NAGLU: variants seen among roughly 807,000 people sequenced by gnomAD.
The protein encoded by NAGLU is N-acetyl-alpha-glucosaminidase.
In NAGLU, 34 loss-of-function variants were observed where a neutral mutation model predicts 43.4. That is an observed-to-expected ratio of 0.78 (90% CI 0.60 to 1.04). The LOEUF (loss-of-function observed/expected upper bound fraction) is 1.04, where lower values mean the gene tolerates loss of function less well. Among genes scored for constraint, NAGLU ranks in the 50% least tolerant of loss-of-function variants. The pLI, the probability that NAGLU is intolerant of heterozygous loss-of-function variation, is 0.00. For synonymous variants in NAGLU, 425 were observed against 437.6 expected, an observed-to-expected ratio of 0.97 and a Z score of 0.36; for missense variants, 910 against 993.7, an observed-to-expected ratio of 0.92 and a Z score of 1.13.
At chr17:42,540,140 A>G (rs933642808) in intron 4 of NAGLU, among the ~76,000 whole-genome samples, 17 of 151,510 alleles carry the variant, frequency 1.1e-4, no homozygotes, top group African/African-American at 3.6e-4. Flanking sequence ...AAAGGAAAGA[A>G]AATTAAACAC....
intron 4 of NAGLU, among the ~76,000 whole-genome samples, chr17:42,539,837 G>A (rs905129043): frequency 2.0e-5 from 3 of 152,182 alleles, no homozygotes; most frequent in African/African-American, 4.8e-5. Context: ...TTGCTTGGAC[G>A]GACGCTTGGC....
In NAGLU at chr17:42,538,560, G is replaced by A. The variant is rs1471090568; in HGVS notation, c.678+75G>A. The A allele has an allele frequency of 1.7e-5, 28 of 1,612,580 alleles. 1 individual carries two copies. Among genetic ancestry groups the A allele is most frequent in the Admixed American group, 3.3e-5 (2 of 59,992 alleles). ...GGCCCAGGAAGGGTGGTATTAGGCC[G>A]GCCCCAGGGCTCTTAACTGAGGCGG... On this transcript the variant is annotated intron_variant, in intron 3 of 5. Transcript: ENST00000225927.
At position 42,543,629 on chromosome 17, in the gene NAGLU, G is replaced by C. The variant is rs146438251; in HGVS notation, c.1623G>C (p.Arg541=). The C allele has an allele frequency of 6.5e-5, 105 of 1,613,000 alleles. No homozygotes were observed. The highest frequency in any genetic ancestry group is 1.2e-4 in the African/African-American group (9 of 74,950). ...YNRSDVFEAW[R]LLLTSAPSLA... is the part of the protein sequence containing the mutation. Reference sequence around the variant, plus strand: ...GATCTGATGTGTTTGAGGCCTGGCGGCTGCTGCTCACATCTGCTCCCTCCC... The same window carrying C: ...GATCTGATGTGTTTGAGGCCTGGCGCCTGCTGCTCACATCTGCTCCCTCCC... The change falls in exon 6 of 6, where the codon CGG becomes CGC. Residue 541 remains arginine, a synonymous_variant. Coordinates refer to ENST00000225927, the MANE Select transcript of NAGLU (RefSeq NM_000263.4).
Position 42,543,860 on chromosome 17 carries a change from G to T in NAGLU, c.1854G>T (p.Leu618=). Residue 618 remains leucine (L), a synonymous_variant, in exon 6 of 6, where the codon CTG becomes CTT. Coordinates refer to ENST00000225927, the MANE Select transcript of NAGLU (RefSeq NM_000263.4). ...EVLASDSRFL[L]GSWLEQARAA... ...TGGCTAGTGACAGCCGCTTCTTGCT[G>T]GGCAGCTGGCTAGAGCAGGCCCGAG... 6.2e-7 allele frequency: 1 copy of T among 1,602,280 alleles called. No homozygotes were observed. The highest frequency in any genetic ancestry group is 2.3e-5 in the East Asian group (1 of 44,274).
rs1567894363 is a variant in NAGLU, at chr17:42,544,050, C to T, written c.2044C>T (p.Leu682=). Residue 682 remains leucine, a synonymous_variant, in exon 6 of 6, where the codon CTG becomes TTG. Coordinates refer to ENST00000225927, the MANE Select transcript of NAGLU (RefSeq NM_000263.4). ...TPRWRLFLEA[L]VDSVAQGIPF... ...TCGCTGGCGGCTTTTCCTGGAGGCG[C>T]TGGTTGACAGTGTGGCCCAGGGCAT... is the stretch of plus-strand genomic sequence containing the variant. 1 of 1,613,484 alleles carries T rather than the reference C, an allele frequency of 6.2e-7. No homozygotes were observed. The highest frequency in any genetic ancestry group is 1.1e-5 in the South Asian group (1 of 90,900).
In NAGLU at chr17:42,543,205, AG is replaced by A. The variant is rs1485628563; in HGVS notation, c.1200del (p.Gln400HisfsTer21). The A allele has an allele frequency of 1.2e-6, 2 of 1,614,236 alleles. No individual in the cohort carries two copies. Among genetic ancestry groups the A allele is most frequent in the Non-Finnish European group, 1.7e-6 (2 of 1,180,038 alleles). ...VYTRTASFQG[Q>X]PFIWCMLHNF... ...ACCCGCACTGCCTCCTTCCAGGGCCAGCCCTTCATCTGGTGCATGCTGCACA... is the reference window on the plus strand; with the variant it reads ...ACCCGCACTGCCTCCTTCCAGGGCCACCCTTCATCTGGTGCATGCTGCACA... On this transcript the variant is annotated frameshift_variant, in exon 6 of 6. Transcript: ENST00000225927. LOFTEE classifies it high-confidence loss of function.
In NAGLU at chr17:42,544,446, T is replaced by A; in HGVS notation, c.*208T>A. 1 of 718,352 alleles carries A rather than the reference T, an allele frequency of 1.4e-6. No individual in the cohort carries two copies. The highest frequency in any genetic ancestry group is 2.3e-6 in the Non-Finnish European group (1 of 439,398). 44.5% of individuals were successfully genotyped at this position (718,352 alleles called of 1,614,324 possible). A position where few individuals can be genotyped will look rare whatever the true frequency, so the allele number is the denominator to read the frequency against. ...ATTAAAGTACTGTTTTCTTTCCACT[T>A]AAACTGATGAGTCCCCTGGGTCTGT... is the stretch of plus-strand genomic sequence containing the variant. On this transcript the variant is annotated 3_prime_UTR_variant, in exon 6 of 6. Coordinates refer to ENST00000225927, the MANE Select transcript of NAGLU (RefSeq NM_000263.4).
At chr17:42,542,303 A>AT (rs2092923476) in intron 5 of NAGLU, among the ~76,000 whole-genome samples, 1 of 152,126 alleles carries the variant, frequency 6.6e-6, no homozygotes, top group South Asian at 2.1e-4. Flanking sequence ...ACCTCAAATG[A>AT]TTCGCCCACT....
At chr17:42,537,094 G>T in intron 1 of NAGLU, 1 of 470,244 alleles carries the variant, frequency 2.1e-6, no homozygotes, top group Non-Finnish European at 3.9e-6. Context: ...TGTGGGGGCA[G>T]GGATTCCCCG....
Position 42,536,509 on chromosome 17 carries a change from C to T in NAGLU, c.237C>T (p.Gly79=). 7.9e-7 allele frequency: 1 copy of T among 1,265,132 alleles called. No individual in the cohort carries two copies. Among genetic ancestry groups the T allele is most frequent in the Non-Finnish European group, 9.9e-7 (1 of 1,008,362 alleles). The allele number at this position is 1,265,132 out of a possible 1,614,324, so 78.4% of individuals were successfully genotyped here. A position where few individuals can be genotyped will look rare whatever the true frequency, so the allele number is the denominator to read the frequency against. Residue 79 remains glycine (G), a synonymous_variant, in exon 1 of 6, where the codon GGC becomes GGT. Transcript: ENST00000225927. ...GGGAARVRVR[G]STGVAAAAGL... ...GCGCGGCGCGCGTGCGGGTGCGCGG[C>T]TCCACGGGCGTGGCGGCCGCCGCGG...
At position 42,537,430 on chromosome 17, in the gene NAGLU, G is replaced by C; in HGVS notation, c.416G>C (p.Ser139Thr). The change falls in exon 2 of 6, where the codon AGC (serine) becomes ACC (threonine). Residue 139 changes from serine (S) to threonine (T), a missense_variant. Transcript: ENST00000225927. ...YRYYQNVCTQ[S>T]YSFVWWDWAR... is the part of the protein sequence containing the mutation. ...TATTACCAGAATGTGTGCACGCAAA[G>C]CTACTCTTTCGTGTGGTGGGACTGG... 1 of 1,614,242 alleles carries C rather than the reference G, an allele frequency of 6.2e-7. No homozygotes were observed. The highest frequency in any genetic ancestry group is 8.5e-7 in the Non-Finnish European group (1 of 1,180,022).
chr17:42,539,416 G>C (rs2092915931), intron 4 of NAGLU, among the ~76,000 whole-genome samples: 1 of 152,224 alleles, frequency 6.6e-6, no homozygotes, highest in African/African-American at 2.4e-5. Flanking sequence ...ATGTGGTTGG[G>C]AAAAGTCTTC....
rs1417024453 is a variant in NAGLU at position 42,543,962 on chromosome 17, A to G, written c.1956A>G (p.Glu652=). 1.2e-6 allele frequency: 2 copies of G among 1,610,202 alleles called. No homozygotes were observed. The highest frequency in any genetic ancestry group is 1.1e-5 in the South Asian group (1 of 90,370). The part of the protein sequence containing the change: ...SRYQLTLWGP[E]GNILDYANKQ... ...ACCAGCTGACCTTGTGGGGGCCAGA[A>G]GGCAACATCCTGGACTATGCCAACA... is the stretch of plus-strand genomic sequence containing the variant. Residue 652 remains glutamate, a synonymous_variant, in exon 6 of 6, where the codon GAA becomes GAG. Coordinates refer to ENST00000225927, the MANE Select transcript of NAGLU (RefSeq NM_000263.4).
intron 4 of NAGLU, 74 bp downstream of exon 4, chr17:42,538,829 CTT>C (rs1253440184): frequency 6.4e-7 from 1 of 1,567,866 alleles, no homozygotes; most frequent in African/African-American, 1.4e-5. Context: ...GACTTAAAAA[CTT>C]AAGCTCTGGG....
rs2092905513 is a variant in NAGLU, at chr17:42,536,255, AC to A, written c.-15del. On this transcript the variant is annotated 5_prime_UTR_variant, in exon 1 of 6. Transcript: ENST00000225927. Reference sequence around the variant, plus strand: ...CGCCCCACCCCCTGGCCGTCGCGGGACCCGCAGGACTGAGACCATGGAGGCG... The same window carrying A: ...CGCCCCACCCCCTGGCCGTCGCGGGACCGCAGGACTGAGACCATGGAGGCG... The A allele has an allele frequency of 8.2e-7, 1 of 1,216,916 alleles. No homozygotes were observed. Among genetic ancestry groups the A allele is most frequent in the East Asian group, 3.3e-5 (1 of 30,498 alleles). The allele number at this position is 1,216,916 out of a possible 1,614,324, so 75.4% of individuals were successfully genotyped here. A position where few individuals can be genotyped will look rare whatever the true frequency, so the allele number is the denominator to read the frequency against.
At position 42,543,215 on chromosome 17, in the gene NAGLU, C is replaced by A. The variant is rs758270880; in HGVS notation, c.1209C>A (p.Ile403=). ...RTASFQGQPF[I]WCMLHNFGGN... ...CCTCCTTCCAGGGCCAGCCCTTCAT[C>A]TGGTGCATGCTGCACAACTTTGGGG... The change falls in exon 6 of 6, where the codon ATC becomes ATA. Residue 403 remains isoleucine (I), a synonymous_variant. Coordinates refer to ENST00000225927, the MANE Select transcript of NAGLU (RefSeq NM_000263.4). 11 of 1,614,144 alleles carry A rather than the reference C, an allele frequency of 6.8e-6. No individual in the cohort carries two copies. In the African/African-American group the frequency reaches 1.5e-4, roughly 22 times the overall value.
chr17:42,537,382 A>T lies in NAGLU; in HGVS notation c.384-16A>T, dbSNP rs768251683. On this transcript the variant is annotated splice_polypyrimidine_tract_variant and intron_variant, in intron 1 of 5. Transcript: ENST00000225927. The stretch of plus-strand genomic sequence containing the variant: ...TCCAGGGTGGGATGCGCCCCTGCTC[A>T]TGACACTGCCCGCAGGTACCGCTAT... 3.7e-6 allele frequency: 6 copies of T among 1,613,902 alleles called. No individual in the cohort carries two copies. Among genetic ancestry groups the T allele is most frequent in the East Asian group, 2.2e-5 (1 of 44,892 alleles).
chr17:42,538,681 G>A lies in NAGLU; in HGVS notation c.690G>A (p.Leu230=). The A allele has an allele frequency of 6.2e-7, 1 of 1,614,016 alleles. No homozygotes were observed. Among genetic ancestry groups the A allele is most frequent in the Non-Finnish European group, 8.5e-7 (1 of 1,180,032 alleles). The part of the protein sequence containing the change: ...IKQLYLQHRV[L]DQMRSFGMTP... ...TTCTGTTCCTCCAGCACCGGGTCCTGGACCAGATGCGCTCCTTCGGCATGA... is the reference window on the plus strand; with the variant it reads ...TTCTGTTCCTCCAGCACCGGGTCCTAGACCAGATGCGCTCCTTCGGCATGA... Residue 230 remains leucine (L), a synonymous_variant, in exon 4 of 6, where the codon CTG becomes CTA. Transcript: ENST00000225927.
At position 42,543,666 on chromosome 17, in the gene NAGLU, C is replaced by T. The variant is rs1049965915; in HGVS notation, c.1660C>T (p.Pro554Ser). The change falls in exon 6 of 6, where the codon CCC becomes TCC. Residue 554 changes from proline to serine, a missense_variant. Pro to Ser is a moderately conservative substitution (Grantham distance 74). Transcript: ENST00000225927. Reference protein sequence around the residue: ...LTSAPSLATSPAFRYDLLDLT... With the variant: ...LTSAPSLATSSAFRYDLLDLT... The stretch of plus-strand genomic sequence containing the variant: ...ATCTGCTCCCTCCCTGGCCACCAGC[C>T]CCGCCTTCCGCTACGACCTGCTGGA... 2 of 1,613,114 alleles carry T rather than the reference C, an allele frequency of 1.2e-6. No homozygotes were observed. The highest frequency in any genetic ancestry group is 1.3e-5 in the African/African-American group (1 of 74,946).
Sources: gnomAD v4.1 joint callset for allele counts (sites outside exome capture counted in the v4.1 genomes callset) on GRCh38, gnomAD v4.1.1 for gene constraint, MANE v1.5 for transcripts, NCBI Gene and HGNC (gene_info 2026-07-23, HGNC 2026-07-21) for gene names.